Variants in CKAP5 observed in about 807,000 individuals in gnomAD.
CKAP5 encodes the protein cytoskeleton associated protein 5, also known as cytoskeleton-associated protein 5.
Under a neutral mutation model 232.8 loss-of-function variants are expected in CKAP5, and 27 were observed. The ratio of observed to expected loss-of-function variants is 0.12; its 90% CI spans 0.09 to 0.16. CKAP5 has a LOEUF of 0.16. CKAP5 is among the 10% of genes least tolerant of loss of function. The probability of loss-of-function intolerance (pLI) is 1.00; values close to 1 mark genes in which losing one functional copy is unlikely to be tolerated. For synonymous variants in CKAP5, 785 were observed against 841.1 expected (o/e 0.93, Z 1.16); for missense variants, 1,838 against 2,424.7 (o/e 0.76, Z 5.08).
At position 46,765,138 on chromosome 11, in the gene CKAP5, C is replaced by A; in HGVS notation, c.3530G>T (p.Gly1177Val). ...TTCTTAATCCTTCCTTACCTTCAAT[C>A]CTTTTTCATCTTTCATCCTTTGCTC... ...GKEQRMKDEK[G>V]LKVLKWNFTT... The change falls in exon 28 of 44, where the codon GGA (glycine) becomes GTA (valine). Residue 1177 changes from glycine (G) to valine (V), a missense_variant. By Grantham distance (109) the Gly-to-Val change is moderately radical. Coordinates refer to ENST00000529230, the MANE Select transcript of CKAP5 (RefSeq NM_001008938.4). The A allele has an allele frequency of 6.2e-7, 1 of 1,611,794 alleles. No homozygotes were observed. The highest frequency in any genetic ancestry group is 8.5e-7 in the Non-Finnish European group (1 of 1,179,074).
chr11:46,795,697 G>A lies in CKAP5; in HGVS notation c.1547C>T (p.Pro516Leu). The A allele has an allele frequency of 6.2e-7, 1 of 1,614,028 alleles. No individual in the cohort carries two copies. Among genetic ancestry groups the A allele is most frequent in the East Asian group, 2.2e-5 (1 of 44,884 alleles). Residue 516 changes from proline (P) to leucine (L), a missense_variant, in exon 13 of 44, where the codon CCT (proline) becomes CTT (leucine). This residue lies in a region of CKAP5 where 767 missense variants were observed against 954.6 expected (regional missense o/e 0.80). Transcript: ENST00000529230. Reference protein sequence around the residue: ...GLAADKKEFKPLPGRTAASGA... With the variant: ...GLAADKKEFKLLPGRTAASGA... ...TGAAGCAGCAGTCCTTCCAGGCAGA[G>A]GTTTGAATTCCTTCTTATCAGCAGC...
intron 1 of CKAP5, among the ~76,000 whole-genome samples, chr11:46,829,306 G>A (rs548427966): frequency 1.3e-5 from 2 of 152,198 alleles, no homozygotes; most frequent in South Asian, 2.1e-4. Flanking sequence ...TTAATGAATA[G>A]TAAATATATT....
intron 13 of CKAP5, 100 bp downstream of exon 13, chr11:46,795,494 A>G (rs1938849741): frequency 4.3e-6 from 4 of 925,044 alleles, no homozygotes; most frequent in African/African-American, 3.3e-5. Flanking sequence ...AATGTGGCCA[A>G]TGAATTCATT....
rs190130295 is a variant in CKAP5 at position 46,792,772 on chromosome 11, G to A, written c.1651-2189C>T. On this transcript the variant is annotated intron_variant, in intron 13 of 43. Transcript: ENST00000529230. ...GGTCAGCCAGCATGAACATGGAAGG[G>A]TTTAAAGAGGTAAGAGGCAAGTGGG... Among the ~76,000 whole-genome samples the A allele has an allele frequency of 2.8e-3, 419 of 152,232 alleles. 2 individuals are homozygous for A. Among genetic ancestry groups the A allele is most frequent in the African/African-American group, 9.6e-3 (397 of 41,538 alleles).
chr11:46,769,252 C>T (rs897337681), intron 26 of CKAP5, among the ~76,000 whole-genome samples: 4 of 152,164 alleles, frequency 2.6e-5, no homozygotes, highest in Non-Finnish European at 4.4e-5. Context: ...ATAAAGAAAT[C>T]AAGAATTATC....
At position 46,783,342 on chromosome 11, in the gene CKAP5, C is replaced by T; in HGVS notation, c.2181G>A (p.Lys727=). 1 of 1,611,016 alleles carries T rather than the reference C, an allele frequency of 6.2e-7. No homozygotes were observed. The highest frequency in any genetic ancestry group is 8.5e-7 in the Non-Finnish European group (1 of 1,178,382). ...EQVVSMAFSQ[K]NPKNQSETLN... is the part of the protein sequence containing the mutation. The stretch of plus-strand genomic sequence containing the variant: ...GAGTTTCTGACTGATTTTTGGGATT[C>T]TTTTGTGAGAAAGCCATTGACACAA... The change falls in exon 18 of 44, where the codon AAG becomes AAA. Residue 727 remains lysine (K), a synonymous_variant. Transcript: ENST00000529230.
At chr11:46,756,683 CTGTCA>C (rs918793871) in intron 35 of CKAP5, among the ~76,000 whole-genome samples, 5 of 152,072 alleles carry the variant, frequency 3.3e-5, no homozygotes, top group African/African-American at 4.8e-5. Flanking sequence ...CTGCATTTAC[CTGTCA>C]TGTCTCTCAG....
chr11:46,802,421 G>A (rs1939050407), intron 8 of CKAP5: 1 of 152,192 alleles, frequency 6.6e-6, no homozygotes, highest in Non-Finnish European at 1.5e-5. Flanking sequence ...ACGTGTGCCT[G>A]TAGTCCCAGC....
chr11:46,764,133 T>G (rs11822100), intron 28 of CKAP5, among the ~76,000 whole-genome samples: 195 of 152,240 alleles, frequency 1.3e-3, no homozygotes, highest in African/African-American at 4.5e-3. Flanking sequence ...CCACTGTGCC[T>G]GGCCTTGCAA....
chr11:46,810,776 G>GA (rs1452025877), intron 5 of CKAP5, among the ~76,000 whole-genome samples: 1 of 152,154 alleles, frequency 6.6e-6, no homozygotes, highest in Non-Finnish European at 1.5e-5. Flanking sequence ...ATCATCAGAA[G>GA]AGTCTCCAAA....
chr11:46,771,262 T>C (rs943526473), intron 24 of CKAP5, among the ~76,000 whole-genome samples: 5 of 152,250 alleles, frequency 3.3e-5, no homozygotes, highest in African/African-American at 1.2e-4. Context: ...GAAAAACTTT[T>C]ACTTATCTCC....
intron 9 of CKAP5, among the ~76,000 whole-genome samples, chr11:46,800,970 T>C (rs1939017106): frequency 8.0e-6 from 1 of 124,494 alleles, no homozygotes; most frequent in African/African-American, 2.5e-5. Context: ...CTAAGTACTT[T>C]AGGCCTAGTG....
intron 25 of CKAP5, 70 bp downstream of exon 25, chr11:46,770,718 C>A: frequency 7.0e-7 from 1 of 1,428,024 alleles, no homozygotes; most frequent in East Asian, 2.3e-5. Context: ...CGTGAGCCAC[C>A]GTGCCAGGCC....
At chr11:46,762,408 G>C (rs767084028) in intron 31 of CKAP5, 1 of 849,382 alleles carries the variant, frequency 1.2e-6, no homozygotes, top group Non-Finnish European at 2.0e-6. Context: ...GATGGCCCCT[G>C]TGCACTTGAT....
Position 46,846,225 on chromosome 11 carries a change from C to G in CKAP5, c.-43G>C, listed in dbSNP as rs996904636. On this transcript the variant is annotated 5_prime_UTR_variant, in exon 1 of 44. Coordinates refer to ENST00000529230, the MANE Select transcript of CKAP5 (RefSeq NM_001008938.4). ...CAGGCCCACCGACCACTCACCTCAG[C>G]TGGGTCAGAACCAAGCGGCCTGCTC... 2 of 152,370 alleles carry G rather than the reference C, an allele frequency of 1.3e-5. No individual in the cohort carries two copies. Among genetic ancestry groups the G allele is most frequent in the African/African-American group, 4.8e-5 (2 of 41,470 alleles). 9.4% of individuals were successfully genotyped at this position (152,370 alleles called of 1,614,324 possible).
intron 16 of CKAP5, among the ~76,000 whole-genome samples, chr11:46,785,982 AAAT>A (rs942529969): frequency 1.3e-5 from 2 of 152,194 alleles, no homozygotes; most frequent in African/African-American, 4.8e-5. Flanking sequence ...GCATGTGAAA[AAAT>A]AAAAATTTAA....
intron 1 of CKAP5, among the ~76,000 whole-genome samples, chr11:46,825,008 G>GT (rs1565754701): frequency 6.6e-6 from 1 of 152,144 alleles, no homozygotes; most frequent in Non-Finnish European, 1.5e-5. Context: ...GTCAGCTAAA[G>GT]TAAGTATGTT....
At chr11:46,837,927 G>T (rs1939952512) in intron 1 of CKAP5, among the ~76,000 whole-genome samples, 1 of 152,122 alleles carries the variant, frequency 6.6e-6, no homozygotes, top group Non-Finnish European at 1.5e-5. Flanking sequence ...AGTGTGGGCT[G>T]CAAACAGTGA....
chr11:46,836,398 G>A (rs1011605332), intron 1 of CKAP5, among the ~76,000 whole-genome samples: 1 of 152,166 alleles, frequency 6.6e-6, no homozygotes, highest in African/African-American at 2.4e-5. Context: ...GTAATGTCGT[G>A]AAAACGAATA....
Sources: allele counts gnomAD v4.1 joint callset (sites outside exome capture counted in the v4.1 genomes callset), GRCh38; gene constraint gnomAD v4.1.1; regional missense constraint gnomAD v4.1.1; transcripts MANE v1.5; gene names NCBI Gene and HGNC (gene_info 2026-07-23, HGNC 2026-07-21).